Variants in PRKG2 observed in about 807,000 individuals in gnomAD.
PRKG2 encodes protein kinase cGMP-dependent 2.
PRKG2 carries 33 observed loss-of-function variants against 97.2 expected under a neutral mutation model. The ratio of observed to expected loss-of-function variants is 0.34; its 90% CI spans 0.26 to 0.45. The LOEUF is 0.45. Among genes scored for constraint, PRKG2 ranks in the 20% least tolerant of loss-of-function variants. PRKG2 has a pLI of 1.00. For missense variants in PRKG2, 638 were observed against 900.0 expected (o/e 0.71, Z 3.73); for synonymous variants, 330 against 321.8 (o/e 1.03, Z -0.27).
chr4:81,140,725 C>A, intron 11 of PRKG2, 56 bp from the exon 12 acceptor site: 2 of 1,458,570 alleles, frequency 1.4e-6, no homozygotes, highest in Non-Finnish European at 1.9e-6. Context: ...ATAAAACACA[C>A]TAATCAATGA....
chr4:81,136,255 G>A (rs1238137006), intron 13 of PRKG2, among the ~76,000 whole-genome samples: 1 of 152,074 alleles, frequency 6.6e-6, no homozygotes, highest in Non-Finnish European at 1.5e-5. Context: ...CCTTGCCTAA[G>A]TCAGTGATTC....
chr4:81,089,675 G>GTA lies in PRKG2; in HGVS notation c.*31_*32dup. On this transcript the variant is annotated 3_prime_UTR_variant, in exon 19 of 19. Coordinates refer to ENST00000264399, the MANE Select transcript of PRKG2 (RefSeq NM_006259.3). The stretch of plus-strand genomic sequence containing the variant: ...TTATTGATCCTTGAGGTCCTCTTCT[G>GTA]TAGAGTACAGGCAGTAATCAACTTT... The GTA allele has an allele frequency of 6.9e-7, 1 of 1,455,430 alleles. No homozygotes were observed. The highest frequency in any genetic ancestry group is 9.6e-7 in the Non-Finnish European group (1 of 1,038,594). The allele number at this position is 1,455,430 out of a possible 1,614,324, so 90.2% of individuals were successfully genotyped here.
chr4:81,194,342 A>C (rs917283983), intron 2 of PRKG2, among the ~76,000 whole-genome samples: 1 of 152,112 alleles, frequency 6.6e-6, no homozygotes, highest in African/African-American at 2.4e-5. Context: ...ACATTTAATA[A>C]ACAGGATACG....
chr4:81,162,404 C>T (rs1333256824), intron 6 of PRKG2, among the ~76,000 whole-genome samples: 3 of 152,030 alleles, frequency 2.0e-5, no homozygotes, highest in African/African-American at 7.3e-5. Flanking sequence ...CACACCAAGC[C>T]CATGCATGCT....
chr4:81,122,232 A>G (rs1324841647), intron 14 of PRKG2, among the ~76,000 whole-genome samples: 1 of 152,174 alleles, frequency 6.6e-6, no homozygotes, highest in Non-Finnish European at 1.5e-5. Flanking sequence ...CATAATCTTA[A>G]TATTGTTATT....
At chr4:81,102,433 G>C (rs570028029) in intron 17 of PRKG2, among the ~76,000 whole-genome samples, 4 of 152,318 alleles carry the variant, frequency 2.6e-5, no homozygotes, top group African/African-American at 9.6e-5. Context: ...CAGAGCACTT[G>C]TTTCCTCAAT....
At chr4:81,209,339 T>C (rs930829615) in intron 1 of PRKG2, among the ~76,000 whole-genome samples, 1 of 152,158 alleles carries the variant, frequency 6.6e-6, no homozygotes, top group Non-Finnish European at 1.5e-5. Flanking sequence ...TTTCTCTCTC[T>C]ACCCATCTGG....
At chr4:81,167,038 A>T in intron 6 of PRKG2, 123 bp downstream of exon 6, 1 of 678,176 alleles carries the variant, frequency 1.5e-6, no homozygotes, top group Non-Finnish European at 2.4e-6. Flanking sequence ...TCACCATAGA[A>T]AAAGGCTCTT....
Position 81,214,945 on chromosome 4 carries a change from GGGTAACTTTCCA to G in PRKG2, c.-35_-24del, listed in dbSNP as rs1287319650. On this transcript the variant is annotated 5_prime_UTR_variant, in exon 1 of 19. Coordinates refer to ENST00000264399, the MANE Select transcript of PRKG2 (RefSeq NM_006259.3). ...GGCCCACGAACCTCACCAGACAGCC[GGGTAACTTTCCA>G]GGTGCGCAGCTTGTCACCTCGGCGC... The G allele has an allele frequency of 6.6e-6, 1 of 152,254 alleles. No homozygotes were observed. The highest frequency in any genetic ancestry group is 2.4e-5 in the African/African-American group (1 of 41,456). The allele number at this position is 152,254 out of a possible 1,614,324, so 9.4% of individuals were successfully genotyped here.
intron 16 of PRKG2, 70 bp from the exon 17 acceptor site, chr4:81,104,502 T>A: frequency 1.3e-6 from 1 of 762,870 alleles, no homozygotes; most frequent in Non-Finnish European, 1.8e-6. Flanking sequence ...CAGAAAATTT[T>A]AAATTAAAAC....
chr4:81,137,604 C>T, intron 12 of PRKG2, 122 bp from the exon 13 acceptor site: 1 of 722,210 alleles, frequency 1.4e-6, no homozygotes, highest in South Asian at 1.8e-5. Context: ...ATAAATACCC[C>T]ACAACTACAC....
intron 3 of PRKG2, 65 bp downstream of exon 3, chr4:81,174,728 T>C: frequency 1.4e-6 from 2 of 1,453,720 alleles, no homozygotes; most frequent in Non-Finnish European, 1.9e-6. Flanking sequence ...TTTTTATAAA[T>C]GTTTGCAGAA....
At chr4:81,196,529 G>A (rs1752968601) in intron 2 of PRKG2, among the ~76,000 whole-genome samples, 2 of 152,012 alleles carry the variant, frequency 1.3e-5, no homozygotes, top group Non-Finnish European at 2.9e-5. Flanking sequence ...TGGAAAGAGG[G>A]AACTGGAAGC....
intron 17 of PRKG2, among the ~76,000 whole-genome samples, chr4:81,101,287 T>C (rs910096246): frequency 4.3e-4 from 65 of 152,110 alleles, no homozygotes; most frequent in Non-Finnish European, 7.8e-4. Context: ...TGGGGCACTA[T>C]TCACAATAGC....
At chr4:81,131,731 T>C (rs1746197922) in intron 14 of PRKG2, among the ~76,000 whole-genome samples, 1 of 152,188 alleles carries the variant, frequency 6.6e-6, no homozygotes, top group South Asian at 2.1e-4. Context: ...GTTTCAGCAA[T>C]GTTTTTTGAA....
chr4:81,184,448 A>G (rs1243552026), intron 2 of PRKG2, among the ~76,000 whole-genome samples: 1 of 152,222 alleles, frequency 6.6e-6, no homozygotes, highest in Non-Finnish European at 1.5e-5. Flanking sequence ...TAGCATCAAC[A>G]TCAACAAAAT....
At chr4:81,205,947 G>T (rs1403496628) in intron 1 of PRKG2, among the ~76,000 whole-genome samples, 1 of 152,156 alleles carries the variant, frequency 6.6e-6, no homozygotes, top group East Asian at 1.9e-4. Context: ...ACTTGTTTTA[G>T]TCTAATAGCT....
At chr4:81,134,965 A>C (rs1397790460) in intron 14 of PRKG2, among the ~76,000 whole-genome samples, 190 bp downstream of exon 14, 2 of 152,218 alleles carry the variant, frequency 1.3e-5, no homozygotes, top group Non-Finnish European at 2.9e-5. Context: ...ATGGTTAAAC[A>C]TTAAATCCTT....
At chr4:81,108,478 T>C (rs76562235) in intron 15 of PRKG2, among the ~76,000 whole-genome samples, 1 of 100,378 alleles carries the variant, frequency 1.0e-5, no homozygotes, top group African/African-American at 5.1e-5. Flanking sequence ...ACACTATTGG[T>C]TTTTTTTTTT....
Sources: allele counts gnomAD v4.1 joint callset (sites outside exome capture counted in the v4.1 genomes callset), GRCh38; gene constraint gnomAD v4.1.1; transcripts MANE v1.5; gene names NCBI Gene and HGNC (gene_info 2026-07-23, HGNC 2026-07-21).